BLOC1S5: variants seen among roughly 807,000 people sequenced by gnomAD.
BLOC1S5 encodes biogenesis of lysosomal organelles complex 1 subunit 5.
Under a neutral mutation model 24.3 loss-of-function variants are expected in BLOC1S5, and 27 were observed. The ratio of observed to expected loss-of-function variants is 1.11; its 90% CI spans 0.82 to 1.53. The LOEUF is 1.53. BLOC1S5 is among the 40% of genes most tolerant of loss of function. The pLI, the probability that BLOC1S5 is intolerant of heterozygous loss-of-function variation, is 0.00. For missense variants in BLOC1S5, 239 were observed against 229.4 expected, an observed-to-expected ratio of 1.04 and a Z score of -0.27; for synonymous variants, 84 against 74.5, an observed-to-expected ratio of 1.13 and a Z score of -0.66.
At chr6:8,064,073 G>A (rs1308998081) in intron 1 of BLOC1S5, among the ~76,000 whole-genome samples, 192 bp downstream of exon 1, 1 of 152,218 alleles carries the variant, frequency 6.6e-6, no homozygotes, top group Admixed American at 6.5e-5. Context: ...AACACGAAGA[G>A]TTGGGCTGGT....
At chr6:8,051,699 G>A (rs906678038) in intron 2 of BLOC1S5, among the ~76,000 whole-genome samples, 10 of 152,130 alleles carry the variant, frequency 6.6e-5, no homozygotes, top group East Asian at 1.9e-4. Context: ...AGTTGAAGCC[G>A]GTGCTCACAT....
rs556701916 is a variant in BLOC1S5, at chr6:8,028,864, T to C, written c.326-2439A>G. Among the ~76,000 whole-genome samples the C allele has an allele frequency of 5.3e-5, 8 of 152,196 alleles. No individual in the cohort carries two copies. In the East Asian group the frequency reaches 1.5e-3, roughly 29 times the overall value. ...CAATTAGTGACACCAAGAAGGCCCATTTCTCTGAACCTTCCTATCACATCT... is the reference window on the plus strand; with the variant it reads ...CAATTAGTGACACCAAGAAGGCCCACTTCTCTGAACCTTCCTATCACATCT... On this transcript the variant is annotated intron_variant, in intron 3 of 4. Coordinates refer to ENST00000397457, the MANE Select transcript of BLOC1S5 (RefSeq NM_201280.3).
At chr6:8,034,947 A>C (rs1175968904) in intron 3 of BLOC1S5, among the ~76,000 whole-genome samples, 1 of 151,088 alleles carries the variant, frequency 6.6e-6, no homozygotes, top group African/African-American at 2.5e-5. Context: ...ATATATATAC[A>C]CATATGCATA....
intron 2 of BLOC1S5, among the ~76,000 whole-genome samples, chr6:8,042,934 A>G (rs1763743019): frequency 6.6e-6 from 1 of 152,202 alleles, no homozygotes; most frequent in Non-Finnish European, 1.5e-5. Flanking sequence ...ACTTGTCACA[A>G]GGGGAATTCA....
At chr6:8,043,123 C>T (rs553346350) in intron 2 of BLOC1S5, among the ~76,000 whole-genome samples, 15 of 152,306 alleles carry the variant, frequency 9.8e-5, no homozygotes, top group Non-Finnish European at 1.5e-5. Context: ...TAGTGAATCA[C>T]TGAACTTGCA....
Position 8,064,382 on chromosome 6 carries a change from C to T in BLOC1S5, c.-6G>A. On this transcript the variant is annotated 5_prime_UTR_variant, in exon 1 of 5. Coordinates refer to ENST00000397457, the MANE Select transcript of BLOC1S5 (RefSeq NM_201280.3). The stretch of plus-strand genomic sequence containing the variant: ...TCTGTCCCTCCGCCACTCATCCCGA[C>T]CAGTTCCGCCCACCCGCGGCCACGC... 1 of 1,605,412 alleles carries T rather than the reference C, an allele frequency of 6.2e-7. No homozygotes were observed. Among genetic ancestry groups the T allele is most frequent in the Non-Finnish European group, 8.5e-7 (1 of 1,177,866 alleles).
intron 2 of BLOC1S5, among the ~76,000 whole-genome samples, chr6:8,059,210 GA>G (rs1764432146): frequency 6.6e-6 from 1 of 152,172 alleles, no homozygotes; most frequent in African/African-American, 2.4e-5. Context: ...ATGTTCATTG[GA>G]ATCAAGGGAA....
intron 3 of BLOC1S5, among the ~76,000 whole-genome samples, chr6:8,032,420 T>G (rs1447825920): frequency 6.6e-6 from 1 of 152,072 alleles, no homozygotes; most frequent in African/African-American, 2.4e-5. Context: ...AAGACCTTAC[T>G]CCTGCAAGAA....
At chr6:8,051,433 A>G (rs1268555311) in intron 2 of BLOC1S5, among the ~76,000 whole-genome samples, 1 of 152,334 alleles carries the variant, frequency 6.6e-6, no homozygotes, top group South Asian at 2.1e-4. Flanking sequence ...ATGAGATTTA[A>G]GGAAAGACAC....
At chr6:8,034,813 T>A (rs1763430571) in intron 3 of BLOC1S5, among the ~76,000 whole-genome samples, 1 of 152,080 alleles carries the variant, frequency 6.6e-6, no homozygotes, top group African/African-American at 2.4e-5. Context: ...GGAAAAGAAG[T>A]CATTATATGA....
Position 8,058,305 on chromosome 6 carries a change from A to G in BLOC1S5, c.195+4229T>C, listed in dbSNP as rs538300297. 5.6e-4 allele frequency among the ~76,000 whole-genome samples: 78 copies of G among 139,428 alleles called. 1 individual carries two copies. The highest frequency in any genetic ancestry group is 1.9e-3 in the African/African-American group (75 of 38,662). The allele number at this position is 139,428 out of a possible 152,430, so 91.5% of individuals were successfully genotyped here. On this transcript the variant is annotated intron_variant, in intron 2 of 4. Coordinates refer to ENST00000397457, the MANE Select transcript of BLOC1S5 (RefSeq NM_201280.3). ...GAGACTGGGGTAGGAGGATCAATTG[A>G]GCCCAGGAGTTTGAGTCCAGCATGG...
At chr6:8,044,022 G>A (rs1186375307) in intron 2 of BLOC1S5, among the ~76,000 whole-genome samples, 1 of 152,114 alleles carries the variant, frequency 6.6e-6, no homozygotes, top group Non-Finnish European at 1.5e-5. Flanking sequence ...GATGGCTCAC[G>A]CCTGTAATCC....
At chr6:8,029,519 A>G (rs1763225089) in intron 3 of BLOC1S5, among the ~76,000 whole-genome samples, 1 of 152,202 alleles carries the variant, frequency 6.6e-6, no homozygotes, top group Non-Finnish European at 1.5e-5. Context: ...GAGGGCAGAC[A>G]TATCCTCAAG....
At chr6:8,018,758 T>C (rs1458621112) in intron 4 of BLOC1S5, among the ~76,000 whole-genome samples, 3 of 152,244 alleles carry the variant, frequency 2.0e-5, no homozygotes, top group Non-Finnish European at 4.4e-5. Context: ...GTAAATATTA[T>C]ACAAATCACA....
At chr6:8,031,983 GAC>G (rs1484700617) in intron 3 of BLOC1S5, among the ~76,000 whole-genome samples, 1 of 152,168 alleles carries the variant, frequency 6.6e-6, no homozygotes, top group African/African-American at 2.4e-5. Flanking sequence ...ATGGATCAAA[GAC>G]ATAAATCTAA....
chr6:8,022,585 TTTTTTTC>T lies in BLOC1S5; in HGVS notation c.384+3775_384+3781del, dbSNP rs1250357249. Among the ~76,000 whole-genome samples the T allele has an allele frequency of 2.2e-4, 27 of 125,388 alleles. 2 individuals carry two copies. The highest frequency in any genetic ancestry group is 1.8e-3 in the Admixed American group (23 of 12,652). The allele number at this position is 125,388 out of a possible 152,430, so 82.3% of individuals were successfully genotyped here. A position where few individuals can be genotyped will look rare whatever the true frequency, so the allele number is the denominator to read the frequency against. On this transcript the variant is annotated intron_variant, in intron 4 of 4. Coordinates refer to ENST00000397457, the MANE Select transcript of BLOC1S5 (RefSeq NM_201280.3). ...CAAACTCTATTTTTTTTTTCTTTTT[TTTTTTTC>T]TTTTTTTTTTGAGACGGAGTCTCGC...
chr6:8,064,332 G>T lies in BLOC1S5; in HGVS notation c.45C>A (p.Ala15=), dbSNP rs750257264. Reference sequence around the variant, plus strand: ...CCCTCTTCTTGCTGCCACCGCCCGGGGCGGCCTCACAACCCACAGGGGTCT... The same window carrying T: ...CCCTCTTCTTGCTGCCACCGCCCGGTGCGGCCTCACAACCCACAGGGGTCT... The part of the protein sequence containing the change: ...GTETPVGCEA[A]PGGGSKKRDS... The change falls in exon 1 of 5, where the codon GCC becomes GCA. Residue 15 remains alanine, a synonymous_variant. Transcript: ENST00000397457. The T allele has an allele frequency of 6.2e-7, 1 of 1,613,134 alleles. No homozygotes were observed. The highest frequency in any genetic ancestry group is 8.5e-7 in the Non-Finnish European group (1 of 1,179,846).
intron 2 of BLOC1S5, among the ~76,000 whole-genome samples, chr6:8,044,536 T>C (rs1763809536): frequency 6.6e-6 from 1 of 152,022 alleles, no homozygotes; most frequent in Admixed American, 6.6e-5. Context: ...TTGGAACAGT[T>C]TGGAGGGCTC....
At chr6:8,045,255 A>C (rs116006751) in intron 2 of BLOC1S5, among the ~76,000 whole-genome samples, 1 of 152,188 alleles carries the variant, frequency 6.6e-6, no homozygotes, top group Non-Finnish European at 1.5e-5. Flanking sequence ...GCTTCCAAGT[A>C]ATGTTGAGCC....
Sources: allele counts gnomAD v4.1 joint callset (sites outside exome capture counted in the v4.1 genomes callset), GRCh38; gene constraint gnomAD v4.1.1; transcripts MANE v1.5; gene names NCBI Gene and HGNC (gene_info 2026-07-23, HGNC 2026-07-21).